Variants in PIP5K1B observed in about 807,000 individuals in gnomAD.
PIP5K1B encodes phosphatidylinositol-4-phosphate 5-kinase type 1 beta, also known as phosphatidylinositol 4-phosphate 5-kinase type-1 beta.
Under a neutral mutation model 67.0 loss-of-function variants are expected in PIP5K1B, and 42 were observed. The observed-to-expected ratio is 0.63, with a 90% CI of 0.49 to 0.81. The LOEUF is 0.81. PIP5K1B is among the 30% of genes least tolerant of loss of function. The pLI, the probability that PIP5K1B is intolerant of heterozygous loss-of-function variation, is 0.00. For missense variants in PIP5K1B, 459 were observed against 646.3 expected, an observed-to-expected ratio of 0.71 and a Z score of 3.14; for synonymous variants, 214 against 231.4, an observed-to-expected ratio of 0.92 and a Z score of 0.68.
chr9:69,003,821 G>C (rs868105282), intron 15 of PIP5K1B, among the ~76,000 whole-genome samples: 1 of 152,290 alleles, frequency 6.6e-6, no homozygotes, highest in Middle Eastern at 3.4e-3. Context: ...TCTGAGTTGG[G>C]AAGCCCTCCT....
At chr9:68,825,270 G>T (rs1362678265) in intron 4 of PIP5K1B, among the ~76,000 whole-genome samples, 1 of 152,152 alleles carries the variant, frequency 6.6e-6, no homozygotes, top group African/African-American at 2.4e-5. Flanking sequence ...TTCAGACAAG[G>T]TGGATAAGTA....
chr9:68,711,693 A>G (rs939868810), intron 1 of PIP5K1B, among the ~76,000 whole-genome samples: 2 of 152,228 alleles, frequency 1.3e-5, no homozygotes, highest in Non-Finnish European at 2.9e-5. Context: ...CATAAATTAT[A>G]TTTATTCACT....
intron 2 of PIP5K1B, among the ~76,000 whole-genome samples, chr9:68,771,583 T>C (rs2132423461): frequency 6.6e-6 from 1 of 152,286 alleles, no homozygotes; most frequent in South Asian, 2.1e-4. Context: ...ATTTCCCTTA[T>C]CTATAAAATA....
intron 13 of PIP5K1B, among the ~76,000 whole-genome samples, chr9:68,939,186 G>A (rs1414960645): frequency 6.6e-6 from 1 of 152,176 alleles, no homozygotes. Context: ...GGAGCATGAG[G>A]AAACACTTCT....
chr9:68,912,322 A>T (rs1239091490), intron 8 of PIP5K1B, among the ~76,000 whole-genome samples: 1 of 152,190 alleles, frequency 6.6e-6, no homozygotes, highest in African/African-American at 2.4e-5. Context: ...GAGTCAATGA[A>T]TGTAAGTACT....
chr9:69,006,291 T>C (rs1244056677), intron 15 of PIP5K1B, among the ~76,000 whole-genome samples: 1 of 152,164 alleles, frequency 6.6e-6, no homozygotes, highest in Non-Finnish European at 1.5e-5. Context: ...TCTCAGCAGA[T>C]GGCATGCTGG....
intron 14 of PIP5K1B, among the ~76,000 whole-genome samples, chr9:68,983,346 G>A (rs1324263008): frequency 6.6e-6 from 1 of 152,180 alleles, no homozygotes; most frequent in African/African-American, 2.4e-5. Context: ...GGCTTGATAA[G>A]TGTCCTGTGG....
rs1827068120 is a variant in PIP5K1B, at chr9:68,705,330, G to A, written c.-675G>A. ...GCCGCTGCTGCTCCTCTCGGTCCCC[G>A]GTTCCCGGTCCCCGAACGCGCCGCG... On this transcript the variant is annotated 5_prime_UTR_variant, in exon 1 of 16. Transcript: ENST00000265382. 1 of 151,390 alleles carries A rather than the reference G, an allele frequency of 6.6e-6. No homozygotes were observed. Among genetic ancestry groups the A allele is most frequent in the African/African-American group, 2.4e-5 (1 of 41,380 alleles). 9.4% of individuals were successfully genotyped at this position (151,390 alleles called of 1,614,324 possible).
At chr9:68,825,847 A>G (rs1375831548) in intron 4 of PIP5K1B, among the ~76,000 whole-genome samples, 3 of 152,236 alleles carry the variant, frequency 2.0e-5, no homozygotes, top group Non-Finnish European at 2.9e-5. Flanking sequence ...GGCTTTCTGT[A>G]TGGAGCCCCA....
intron 14 of PIP5K1B, among the ~76,000 whole-genome samples, chr9:68,941,653 C>A (rs993857760): frequency 2.0e-5 from 3 of 152,052 alleles, no homozygotes; most frequent in African/African-American, 7.2e-5. Flanking sequence ...CTTGTTGAAA[C>A]CTAGCTCTCA....
chr9:68,930,739 G>C (rs1174431426), intron 12 of PIP5K1B, among the ~76,000 whole-genome samples: 5 of 151,472 alleles, frequency 3.3e-5, no homozygotes, highest in Non-Finnish European at 7.4e-5. Flanking sequence ...GCTGATTTCT[G>C]TTAAAACCCT....
intron 14 of PIP5K1B, among the ~76,000 whole-genome samples, chr9:68,948,681 T>C (rs550995939): frequency 6.9e-6 from 1 of 145,530 alleles, no homozygotes; most frequent in African/African-American, 2.5e-5. Context: ...TTTTATAATA[T>C]GCCTGTTAGT....
chr9:68,847,402 C>T (rs1464607519), intron 4 of PIP5K1B, among the ~76,000 whole-genome samples: 1 of 123,852 alleles, frequency 8.1e-6, no homozygotes, highest in East Asian at 2.6e-4. Context: ...TCAGCAACAA[C>T]AGCAGTGGTT....
At chr9:68,831,512 C>A (rs534769335) in intron 4 of PIP5K1B, among the ~76,000 whole-genome samples, 1 of 152,278 alleles carries the variant, frequency 6.6e-6, no homozygotes, top group East Asian at 1.9e-4. Flanking sequence ...TGCCTTTCTT[C>A]AGGATCTGTA....
Position 68,957,500 on chromosome 9 carries a change from A to C in PIP5K1B, c.1502+16710A>C, listed in dbSNP as rs143546397. ...ACATATTAACAAGAGAAAGGCATAC[A>C]AATGCATTTAATGTTTTATACGACA... is the stretch of plus-strand genomic sequence containing the variant. On this transcript the variant is annotated intron_variant, in intron 14 of 15. Coordinates refer to ENST00000265382, the MANE Select transcript of PIP5K1B (RefSeq NM_003558.4). Among the ~76,000 whole-genome samples, 929 of 152,352 alleles carry C rather than the reference A, an allele frequency of 6.1e-3. 13 individuals carry two copies. Among genetic ancestry groups the C allele is most frequent in the African/African-American group, 0.021 (880 of 41,580 alleles).
intron 4 of PIP5K1B, among the ~76,000 whole-genome samples, chr9:68,831,087 A>G (rs2132109253): frequency 6.6e-6 from 1 of 152,370 alleles, no homozygotes; most frequent in East Asian, 1.9e-4. Flanking sequence ...CAGCAATGTA[A>G]TTTAGGTTCT....
chr9:68,938,532 A>T (rs1462086700), intron 13 of PIP5K1B, among the ~76,000 whole-genome samples: 1 of 151,958 alleles, frequency 6.6e-6, no homozygotes, highest in East Asian at 1.9e-4. Flanking sequence ...ACATTGATGG[A>T]TCTTGACTCT....
At chr9:68,756,460 A>G (rs757342068) in intron 2 of PIP5K1B, among the ~76,000 whole-genome samples, 1 of 152,252 alleles carries the variant, frequency 6.6e-6, no homozygotes, top group African/African-American at 2.4e-5. Flanking sequence ...CTGTAAATTA[A>G]CAGCCTACCA....
intron 1 of PIP5K1B, chr9:68,707,577 T>C (rs1827181914): frequency 6.6e-6 from 1 of 152,234 alleles, no homozygotes; most frequent in African/African-American, 2.4e-5. Flanking sequence ...ATAGTCTCAC[T>C]GTAAATTACT....
Sources: allele counts gnomAD v4.1 joint callset (sites outside exome capture counted in the v4.1 genomes callset), GRCh38; gene constraint gnomAD v4.1.1; transcripts MANE v1.5; gene names NCBI Gene and HGNC (gene_info 2026-07-23, HGNC 2026-07-21).